Variants in CACNA1D observed in about 807,000 individuals in gnomAD.
CACNA1D encodes calcium voltage-gated channel subunit alpha1 D.
Under a neutral mutation model 257.1 loss-of-function variants are expected in CACNA1D, and 55 were observed. That is an observed-to-expected ratio of 0.21 (90% confidence interval 0.17 to 0.27). The LOEUF (loss-of-function observed/expected upper bound fraction) is 0.27. CACNA1D is among the 10% of genes least tolerant of loss of function. CACNA1D has a pLI of 1.00. For missense variants in CACNA1D, 1,876 were observed against 2,784.0 expected, an observed-to-expected ratio of 0.67 and a Z score of 7.34; for synonymous variants, 980 against 1,014.9, an observed-to-expected ratio of 0.97 and a Z score of 0.65.
At chr3:53,750,293 C>G (rs1004175899) in intron 27 of CACNA1D, among the ~76,000 whole-genome samples, 1 of 152,182 alleles carries the variant, frequency 6.6e-6, no homozygotes, top group African/African-American at 2.4e-5. Flanking sequence ...TCCCTCATCT[C>G]TAAATCGAGG....
chr3:53,800,946 C>T lies in CACNA1D; in HGVS notation c.5041-112C>T, dbSNP rs2106776525. ...GACACTCAGATTGTTTTACAGGGAT[C>T]CTACGGAGCTTGCCTAGAATTTGTT... On this transcript the variant is annotated intron_variant, in intron 41 of 47. Transcript: ENST00000350061. The surrounding 1 kb of genome is among the most constrained non-coding windows in gnomAD (Gnocchi z 4.3). 2.0e-6 allele frequency: 2 copies of T among 997,882 alleles called. No individual in the cohort carries two copies. Among genetic ancestry groups the T allele is most frequent in the South Asian group, 1.3e-5 (1 of 77,362 alleles). 61.8% of individuals were successfully genotyped at this position (997,882 alleles called of 1,614,324 possible).
intron 3 of CACNA1D, among the ~76,000 whole-genome samples, chr3:53,645,262 A>G (rs903923022): frequency 2.6e-5 from 4 of 152,094 alleles, no homozygotes; most frequent in African/African-American, 4.8e-5. Context: ...CTCCCATTTC[A>G]TAGGTTGTCT....
chr3:53,811,193 C>G lies in CACNA1D; in HGVS notation c.6273C>G (p.Ala2091=). 6.2e-7 allele frequency: 1 copy of G among 1,614,066 alleles called. No homozygotes were observed. Residue 2091 remains alanine (A), a synonymous_variant, in exon 48 of 48, where the codon GCC becomes GCG. Coordinates refer to ENST00000350061, the MANE Select transcript of CACNA1D (RefSeq NM_001128840.3). This position sits in a 1 kb window ranked among gnomAD's most constrained non-coding sequence, Gnocchi z 4.2. ...VSATKHEIAD[A]CDLTIDEMES... is the part of the protein sequence containing the mutation. ...CAACAAAACACGAAATCGCTGATGC[C>G]TGTGACCTCACCATCGACGAGATGG...
intron 37 of CACNA1D, among the ~76,000 whole-genome samples, chr3:53,778,929 G>A (rs2095411906): frequency 6.6e-6 from 1 of 152,210 alleles, no homozygotes; most frequent in Non-Finnish European, 1.5e-5. Flanking sequence ...GGATCCCGTC[G>A]GTTGAGAACC....
At chr3:53,599,674 C>T (rs989032058) in intron 3 of CACNA1D, among the ~76,000 whole-genome samples, 10 of 152,238 alleles carry the variant, frequency 6.6e-5, no homozygotes, top group African/African-American at 2.4e-4. Context: ...TTGAATGACA[C>T]GATATAAGTA....
At chr3:53,545,082 A>ATTTTCTT (rs2092383315) in intron 3 of CACNA1D, among the ~76,000 whole-genome samples, 1 of 152,238 alleles carries the variant, frequency 6.6e-6, no homozygotes, top group African/African-American at 2.4e-5. Context: ...AAAGAAAACC[A>ATTTTCTT]TGCCATGAGG....
At chr3:53,795,902 G>A (rs901532697) in intron 40 of CACNA1D, among the ~76,000 whole-genome samples, 2 of 152,180 alleles carry the variant, frequency 1.3e-5, no homozygotes, top group Admixed American at 6.5e-5. Flanking sequence ...TGTTACCCCT[G>A]ACTTTTCAGT....
At chr3:53,746,508 C>T (rs2095170500) in intron 25 of CACNA1D, among the ~76,000 whole-genome samples, 1 of 152,190 alleles carries the variant, frequency 6.6e-6, no homozygotes, top group Non-Finnish European at 1.5e-5. Flanking sequence ...TGTGCAGAGG[C>T]CTGTGTCTCC....
Position 53,810,170 on chromosome 3 carries a change from A to AG in CACNA1D, c.6065dup (p.Ser2022ArgfsTer69), listed in dbSNP as rs1292226911. ...CGGCAGCCTGCCGTCCCTGCACCGC[A>AG]GCTCCTGGTACACAGACGAGCCCGA... On this transcript the variant is annotated frameshift_variant, in exon 47 of 48. Coordinates refer to ENST00000350061, the MANE Select transcript of CACNA1D (RefSeq NM_001128840.3). LOFTEE classifies it high-confidence loss of function. 1 of 1,613,982 alleles carries AG rather than the reference A, an allele frequency of 6.2e-7. No individual in the cohort carries two copies. The highest frequency in any genetic ancestry group is 1.7e-5 in the Admixed American group (1 of 60,036).
chr3:53,657,806 C>G (rs1340752245), intron 4 of CACNA1D, among the ~76,000 whole-genome samples: 3 of 152,134 alleles, frequency 2.0e-5, no homozygotes, highest in African/African-American at 7.2e-5. Flanking sequence ...TGACCTATTG[C>G]TTTTGTCAAG....
At chr3:53,500,831 C>T (rs372598239) in intron 2 of CACNA1D, among the ~76,000 whole-genome samples, 2 of 152,260 alleles carry the variant, frequency 1.3e-5, no homozygotes, top group African/African-American at 4.8e-5. Context: ...TTCTTCCAGA[C>T]AGACCACCAA....
At chr3:53,749,616 C>G (rs1033220489) in intron 27 of CACNA1D, 147 bp downstream of exon 27, 1 of 681,670 alleles carries the variant, frequency 1.5e-6, no homozygotes, top group Non-Finnish European at 2.6e-6. Flanking sequence ...ACACCCTCAG[C>G]CCATTTGAGT....
chr3:53,593,270 A>G (rs2093330556), intron 3 of CACNA1D, among the ~76,000 whole-genome samples: 1 of 152,222 alleles, frequency 6.6e-6, no homozygotes, highest in African/African-American at 2.4e-5. Flanking sequence ...GAGACAGTGT[A>G]ATGATAAAAG....
intron 3 of CACNA1D, among the ~76,000 whole-genome samples, chr3:53,561,789 T>C (rs1031548252): frequency 6.6e-6 from 1 of 152,204 alleles, no homozygotes; most frequent in African/African-American, 2.4e-5. Context: ...CTGGTATACC[T>C]CGTTTGGAAT....
At chr3:53,551,436 G>A (rs904987851) in intron 3 of CACNA1D, among the ~76,000 whole-genome samples, 5 of 152,234 alleles carry the variant, frequency 3.3e-5, no homozygotes, top group Non-Finnish European at 7.3e-5. Context: ...GAGCCACAGG[G>A]AGTGGGTACA....
At chr3:53,692,887 G>A (rs1417819612) in intron 8 of CACNA1D, among the ~76,000 whole-genome samples, 2 of 152,132 alleles carry the variant, frequency 1.3e-5, no homozygotes, top group Admixed American at 6.5e-5. Flanking sequence ...GAGAAACCCT[G>A]TCTACTAAAA....
intron 3 of CACNA1D, among the ~76,000 whole-genome samples, chr3:53,601,180 A>G (rs886907907): frequency 6.6e-6 from 1 of 151,998 alleles, no homozygotes; most frequent in Non-Finnish European, 1.5e-5. Context: ...CTGCCCCTCC[A>G]TCCTCCTTGA....
intron 3 of CACNA1D, among the ~76,000 whole-genome samples, chr3:53,515,205 G>A (rs1178577127): frequency 7.2e-5 from 11 of 152,138 alleles, no homozygotes; most frequent in Admixed American, 7.2e-4. Flanking sequence ...CTTTACGTGT[G>A]ACTTTCTCAG....
At chr3:53,666,143 G>A (rs2094259990) in intron 6 of CACNA1D, among the ~76,000 whole-genome samples, 196 bp from the exon 7 acceptor site, 1 of 152,202 alleles carries the variant, frequency 6.6e-6, no homozygotes, top group Non-Finnish European at 1.5e-5. Context: ...AACCATGGAT[G>A]CTGACAAGAG....
Sources: allele counts gnomAD v4.1 joint callset (sites outside exome capture counted in the v4.1 genomes callset), GRCh38; gene constraint gnomAD v4.1.1; non-coding constraint Gnocchi (gnomAD v3.1); transcripts MANE v1.5; gene names NCBI Gene and HGNC (gene_info 2026-07-23, HGNC 2026-07-21).